The following EDIL3 variants were observed in gnomAD, a reference collection of about 807,000 sequenced individuals.
EDIL3 encodes the protein EGF-like repeat and discoidin I-like domain-containing protein 3.
Under a neutral mutation model 67.4 loss-of-function variants are expected in EDIL3, and 37 were observed. The ratio of observed to expected loss-of-function variants is 0.55; its 90% confidence interval spans 0.42 to 0.72. EDIL3 has a LOEUF of 0.72. Among genes scored for constraint, EDIL3 ranks in the 30% least tolerant of loss-of-function variants. The probability of loss-of-function intolerance (pLI) is 0.00; values close to 1 mark genes in which losing one functional copy is unlikely to be tolerated. For synonymous variants in EDIL3, 195 were observed against 196.3 expected (o/e 0.99, Z 0.05); for missense variants, 527 against 586.3 (o/e 0.90, Z 1.04).
intron 2 of EDIL3, among the ~76,000 whole-genome samples, chr5:84,251,683 C>T (rs957933082): frequency 3.9e-5 from 6 of 152,102 alleles, no homozygotes; most frequent in African/African-American, 1.4e-4. Context: ...TGCTTGATTT[C>T]TCATTATTTT....
At chr5:84,112,446 C>G (rs1002887248) in intron 5 of EDIL3, among the ~76,000 whole-genome samples, 2 of 152,112 alleles carry the variant, frequency 1.3e-5, no homozygotes, top group Non-Finnish European at 2.9e-5. Context: ...TAGGTGTTTC[C>G]TTTCATTGAG....
chr5:84,270,383 A>T (rs1223757345), intron 1 of EDIL3, among the ~76,000 whole-genome samples: 1 of 152,184 alleles, frequency 6.6e-6, no homozygotes, highest in East Asian at 1.9e-4. Flanking sequence ...TACATTGCAG[A>T]TGTGAAATAT....
chr5:84,308,508 G>A (rs551492697), intron 1 of EDIL3, among the ~76,000 whole-genome samples: 172 of 152,188 alleles, frequency 1.1e-3, no homozygotes, highest in African/African-American at 3.9e-3. Flanking sequence ...ATTGTAATTG[G>A]CTTTTATATG....
chr5:84,075,037 A>T (rs1241494692), intron 6 of EDIL3, among the ~76,000 whole-genome samples: 1 of 152,218 alleles, frequency 6.6e-6, no homozygotes, highest in Non-Finnish European at 1.5e-5. Context: ...TGATGAGCTC[A>T]TGTTCTTTGT....
intron 9 of EDIL3, among the ~76,000 whole-genome samples, chr5:83,981,654 T>C (rs890253350): frequency 6.6e-6 from 1 of 152,020 alleles, no homozygotes; most frequent in African/African-American, 2.4e-5. Flanking sequence ...ATTAGCCAAC[T>C]TCTGAATATT....
intron 6 of EDIL3, among the ~76,000 whole-genome samples, chr5:84,095,367 T>C (rs1242532099): frequency 6.6e-6 from 1 of 152,156 alleles, no homozygotes; most frequent in African/African-American, 2.4e-5. Flanking sequence ...CAGAAAAACA[T>C]AGGTAAGTTT....
At chr5:84,201,465 G>A (rs4418078) in intron 3 of EDIL3, among the ~76,000 whole-genome samples, 1,586 of 152,170 alleles carry the variant, frequency 0.01, 33 homozygotes, top group African/African-American at 0.036. Flanking sequence ...ATGCTTGGTA[G>A]CTCATGTACC....
At chr5:83,987,584 G>T (rs1447512653) in intron 9 of EDIL3, among the ~76,000 whole-genome samples, 1 of 152,034 alleles carries the variant, frequency 6.6e-6, no homozygotes, top group Admixed American at 6.6e-5. Context: ...TTCCATTTCT[G>T]AAAAGTGCAG....
intron 1 of EDIL3, among the ~76,000 whole-genome samples, chr5:84,370,946 G>A (rs1747830146): frequency 6.6e-6 from 1 of 151,946 alleles, no homozygotes; most frequent in Admixed American, 6.6e-5. Context: ...CATAAAGTCA[G>A]AAAATAAATA....
chr5:83,972,640 T>G (rs1349054721), intron 9 of EDIL3, among the ~76,000 whole-genome samples: 1 of 152,028 alleles, frequency 6.6e-6, no homozygotes, highest in Non-Finnish European at 1.5e-5. Context: ...TTGAAAAAAC[T>G]CAACCAGGCT....
Position 84,312,581 on chromosome 5 carries a change from C to T in EDIL3, c.68-58369G>A, listed in dbSNP as rs1580071715. On this transcript the variant is annotated intron_variant, in intron 1 of 10. Transcript: ENST00000296591. Reference sequence around the variant, plus strand: ...GGGGCTGACTCCCCCACCACCCTCCCGGACGGGGCGGCTGGCCGGGCGGGG... The same window carrying T: ...GGGGCTGACTCCCCCACCACCCTCCTGGACGGGGCGGCTGGCCGGGCGGGG... 2.1e-5 allele frequency among the ~76,000 whole-genome samples: 3 copies of T among 144,740 alleles called. No individual in the cohort carries two copies. The South Asian group carries it at 6.4e-4, about 31-fold the overall frequency. The allele number at this position is 144,740 out of a possible 152,430, so 95.0% of individuals were successfully genotyped here.
chr5:84,192,486 T>G (rs1743613081), intron 3 of EDIL3, among the ~76,000 whole-genome samples: 1 of 151,990 alleles, frequency 6.6e-6, no homozygotes. Context: ...AATGCCTTTC[T>G]TCACCTCCTC....
At chr5:84,317,484 G>A (rs1746539052) in intron 1 of EDIL3, among the ~76,000 whole-genome samples, 1 of 152,166 alleles carries the variant, frequency 6.6e-6, no homozygotes, top group Non-Finnish European at 1.5e-5. Flanking sequence ...AAATAAACTA[G>A]AAAATCTAGA....
chr5:84,108,268 A>C (rs1289108125), intron 5 of EDIL3, among the ~76,000 whole-genome samples: 1 of 152,008 alleles, frequency 6.6e-6, no homozygotes, highest in Non-Finnish European at 1.5e-5. Flanking sequence ...ATGGCTTTCA[A>C]ATTTTTAAAT....
chr5:84,113,921 T>C (rs968254709), intron 5 of EDIL3, among the ~76,000 whole-genome samples: 2 of 152,184 alleles, frequency 1.3e-5, no homozygotes, highest in Non-Finnish European at 2.9e-5. Flanking sequence ...ATAATTGTGC[T>C]GAATGCAAGC....
At chr5:84,067,906 G>GTTCAT (rs1436911674) in intron 6 of EDIL3, among the ~76,000 whole-genome samples, 3 of 152,126 alleles carry the variant, frequency 2.0e-5, no homozygotes, top group African/African-American at 7.2e-5. Context: ...CTTGAACAAT[G>GTTCAT]CTAAGTGGAT....
chr5:84,229,742 C>G, intron 3 of EDIL3, 113 bp downstream of exon 3: 1 of 1,090,880 alleles, frequency 9.2e-7, no homozygotes. Flanking sequence ...AATAAACAAA[C>G]CTGTGCCAAT....
intron 2 of EDIL3, among the ~76,000 whole-genome samples, chr5:84,241,546 T>C (rs995573728): frequency 2.0e-5 from 3 of 152,124 alleles, no homozygotes; most frequent in African/African-American, 2.4e-5. Context: ...ATAAATTTCA[T>C]ATAATAAAAA....
intron 1 of EDIL3, among the ~76,000 whole-genome samples, chr5:84,307,580 G>C (rs1746297527): frequency 6.6e-6 from 1 of 152,178 alleles, no homozygotes; most frequent in African/African-American, 2.4e-5. Context: ...AGCAACTGTA[G>C]GCTGCATACA....
Sources: allele counts gnomAD v4.1 joint callset (sites outside exome capture counted in the v4.1 genomes callset), GRCh38; gene constraint gnomAD v4.1.1; transcripts MANE v1.5; gene names NCBI Gene and HGNC (gene_info 2026-07-23, HGNC 2026-07-21).